ADGRV1: variants seen among roughly 807,000 people sequenced by gnomAD.
ADGRV1 encodes adhesion G protein-coupled receptor V1, also known as G-protein coupled receptor 98.
A neutral mutation model predicts 596.2 loss-of-function variants in ADGRV1; 359 were observed. The ratio of observed to expected loss-of-function variants is 0.60; its 90% CI spans 0.55 to 0.66. The LOEUF is 0.66. Ranked by LOEUF, ADGRV1 falls within the 30% of genes least tolerant of loss-of-function variation. The pLI is 0.00. For synonymous variants in ADGRV1, 2,681 were observed against 2,679.2 expected (o/e 1.00, Z -0.02); for missense variants, 7,274 against 7,575.6 (o/e 0.96, Z 1.48).
At chr5:90,697,759 G>A (rs1747382773) in intron 34 of ADGRV1, among the ~76,000 whole-genome samples, 1 of 151,978 alleles carries the variant, frequency 6.6e-6, no homozygotes, top group South Asian at 2.1e-4. Flanking sequence ...TAATTTTTGT[G>A]TGTTTAAAAC....
chr5:90,809,048 G>A (rs376153957), intron 73 of ADGRV1, among the ~76,000 whole-genome samples: 534 of 150,272 alleles, frequency 3.6e-3, no homozygotes, highest in African/African-American at 0.012. Flanking sequence ...CCGGGTTCAC[G>A]CCATTCTCCT....
chr5:90,884,873 C>T (rs1770133311), intron 83 of ADGRV1, among the ~76,000 whole-genome samples: 1 of 152,060 alleles, frequency 6.6e-6, no homozygotes, highest in East Asian at 1.9e-4. Context: ...AGTTGAATAC[C>T]CTAACTGATA....
At chr5:90,880,797 G>A (rs1385213183) in intron 83 of ADGRV1, among the ~76,000 whole-genome samples, 1 of 152,096 alleles carries the variant, frequency 6.6e-6, no homozygotes, top group East Asian at 1.9e-4. Context: ...GGAGAATATT[G>A]TCCGTATGTC....
intron 9 of ADGRV1, among the ~76,000 whole-genome samples, chr5:90,633,275 A>T (rs1275154656): frequency 6.6e-6 from 1 of 152,236 alleles, no homozygotes; most frequent in Non-Finnish European, 1.5e-5. Flanking sequence ...TTTCATAACC[A>T]TCTACATTTT....
intron 33 of ADGRV1, 128 bp from the exon 34 acceptor site, chr5:90,696,809 A>G (rs1470505662): frequency 5.3e-6 from 3 of 567,748 alleles, no homozygotes; most frequent in East Asian, 5.7e-5. Context: ...TGCCCATGAT[A>G]TGGAACTGTT....
chr5:90,596,539 G>A (rs988510165), intron 1 of ADGRV1, among the ~76,000 whole-genome samples: 2 of 152,126 alleles, frequency 1.3e-5, no homozygotes, highest in Admixed American at 1.3e-4. Context: ...TGCAATCCCC[G>A]CACCTCGGGA....
rs376201106 is a variant in ADGRV1 at position 90,756,548 on chromosome 5, G to A, written c.11675G>A (p.Arg3892Gln). 3.1e-5 allele frequency: 50 copies of A among 1,613,308 alleles called. No homozygotes were observed. Among genetic ancestry groups the A allele is most frequent in the African/African-American group, 2.7e-4 (20 of 74,882 alleles). ...SDFSTGQPSV[R>Q]RPGMEIAEIM... ...TTCTCTACAGGACAGCCAAGTGTGCGGAGGCCCGGAATGGAAATAGCTGAG... is the reference window on the plus strand; with the variant it reads ...TTCTCTACAGGACAGCCAAGTGTGCAGAGGCCCGGAATGGAAATAGCTGAG... Residue 3892 changes from arginine (R) to glutamine (Q), a missense_variant, in exon 56 of 90, where the codon CGG (arginine) becomes CAG (glutamine). This residue lies in a region of ADGRV1 where 3,643 missense variants were observed against 3,809.2 expected (regional missense o/e 0.96). Coordinates refer to ENST00000405460, the MANE Select transcript of ADGRV1 (RefSeq NM_032119.4).
Position 91,163,873 on chromosome 5 carries a change from G to A in ADGRV1, c.18894G>A (p.Arg6298=), listed in dbSNP as rs772859316. The A allele has an allele frequency of 1.9e-5, 31 of 1,592,948 alleles. No individual in the cohort carries two copies. Among genetic ancestry groups the A allele is most frequent in the Non-Finnish European group, 2.5e-5 (29 of 1,162,920 alleles). The part of the protein sequence containing the change: ...LTDSQIVELR[R]IPIADTHL ...ACTCCCAGATCGTGGAGCTCAGGAG[G>A]ATACCCATCGCCGACACTCACCTGT... is the stretch of plus-strand genomic sequence containing the variant. Residue 6298 remains arginine, a synonymous_variant, in exon 90 of 90, where the codon AGG becomes AGA. Coordinates refer to ENST00000405460, the MANE Select transcript of ADGRV1 (RefSeq NM_032119.4).
At chr5:90,904,155 T>C (rs1047226962) in intron 83 of ADGRV1, among the ~76,000 whole-genome samples, 8 of 152,132 alleles carry the variant, frequency 5.3e-5, no homozygotes, top group African/African-American at 1.7e-4. Context: ...CTTTATCCAT[T>C]CATCTATTGA....
chr5:91,109,148 T>C (rs1271183611), intron 87 of ADGRV1, among the ~76,000 whole-genome samples: 1 of 152,234 alleles, frequency 6.6e-6, no homozygotes. Flanking sequence ...TATTGTTGAA[T>C]ACTCTTCTTT....
At position 90,908,117 on chromosome 5, in the gene ADGRV1, C is replaced by T. The variant is rs1385903521; in HGVS notation, c.17856+44260C>T. On this transcript the variant is annotated intron_variant, in intron 83 of 89. Coordinates refer to ENST00000405460, the MANE Select transcript of ADGRV1 (RefSeq NM_032119.4). ...CTGCCCACCTCCGCCTCCCAAAGTG[C>T]TGAGATTAAAGGCGTGAGCCACCGT... Among the ~76,000 whole-genome samples, 3 of 152,128 alleles carry T rather than the reference C, an allele frequency of 2.0e-5. No homozygotes were observed. The East Asian group carries it at 5.8e-4, about 29-fold the overall frequency.
chr5:90,874,050 T>C (rs1768972855), intron 83 of ADGRV1, among the ~76,000 whole-genome samples: 1 of 152,122 alleles, frequency 6.6e-6, no homozygotes, highest in Middle Eastern at 3.2e-3. Flanking sequence ...CTCTAATCAT[T>C]TTCCCTAAAA....
chr5:91,131,265 A>G (rs1308852686), intron 87 of ADGRV1, among the ~76,000 whole-genome samples: 1 of 152,038 alleles, frequency 6.6e-6, no homozygotes, highest in East Asian at 1.9e-4. Flanking sequence ...TTTCTCTACA[A>G]CCTTACCAAC....
Position 90,622,589 on chromosome 5 carries a change from CT to C in ADGRV1, c.454-7del. On this transcript the variant is annotated splice_polypyrimidine_tract_variant and splice_region_variant and intron_variant, in intron 4 of 89. Transcript: ENST00000405460. ...CTCCTGATCATCTGTGCTTGCTTTC[CT>C]CAATAGCTTCCCTCAATCGCAGTGA... is the stretch of plus-strand genomic sequence containing the variant. 7.2e-7 allele frequency: 1 copy of C among 1,392,480 alleles called. No individual in the cohort carries two copies. Among genetic ancestry groups the C allele is most frequent in the Non-Finnish European group, 9.5e-7 (1 of 1,054,706 alleles). 86.3% of individuals were successfully genotyped at this position (1,392,480 alleles called of 1,614,324 possible). A position where few individuals can be genotyped will look rare whatever the true frequency, so the allele number is the denominator to read the frequency against.
In ADGRV1 at chr5:90,778,832, T is replaced by A. The variant is rs77723508; in HGVS notation, c.12850-33T>A. ...ACAGTATTGTCTGGTAGATTAAACATCCAAATCAAATAAGAAAATGCATTT... is the reference window on the plus strand; with the variant it reads ...ACAGTATTGTCTGGTAGATTAAACAACCAAATCAAATAAGAAAATGCATTT... On this transcript the variant is annotated intron_variant, in intron 63 of 89. Transcript: ENST00000405460. 11 of 1,550,644 alleles carry A rather than the reference T, an allele frequency of 7.1e-6. No homozygotes were observed. In the East Asian group the frequency reaches 2.3e-4, roughly 32 times the overall value.
intron 85 of ADGRV1, among the ~76,000 whole-genome samples, chr5:91,048,545 A>G (rs1176542426): frequency 6.6e-6 from 1 of 152,204 alleles, no homozygotes; most frequent in East Asian, 1.9e-4. Flanking sequence ...AGTTACTTCT[A>G]CATAGCACAA....
intron 1 of ADGRV1, among the ~76,000 whole-genome samples, chr5:90,579,624 A>G (rs551412594): frequency 6.6e-5 from 10 of 152,182 alleles, no homozygotes; most frequent in Middle Eastern, 3.4e-3. Flanking sequence ...TATTAGGTCC[A>G]CTTGGTGCAG....
chr5:90,751,056 G>A (rs1222530327), intron 53 of ADGRV1, among the ~76,000 whole-genome samples: 1 of 152,176 alleles, frequency 6.6e-6, no homozygotes, highest in Non-Finnish European at 1.5e-5. Flanking sequence ...TAGGGAACAA[G>A]TCTGTGTAAA....
At chr5:90,888,896 G>A (rs1220246722) in intron 83 of ADGRV1, among the ~76,000 whole-genome samples, 3 of 152,092 alleles carry the variant, frequency 2.0e-5, no homozygotes, top group Non-Finnish European at 4.4e-5. Context: ...GAGCCATAGT[G>A]TAATCCTCTG....
Sources: allele counts gnomAD v4.1 joint callset (sites outside exome capture counted in the v4.1 genomes callset), GRCh38; gene constraint gnomAD v4.1.1; regional missense constraint gnomAD v4.1.1; transcripts MANE v1.5; gene names NCBI Gene and HGNC (gene_info 2026-07-23, HGNC 2026-07-21).